The following PLEKHG5 variants were observed in gnomAD, a reference collection of about 807,000 sequenced individuals.
PLEKHG5 encodes the protein pleckstrin homology and RhoGEF domain containing G5.
In PLEKHG5, 52 loss-of-function variants were observed where a neutral mutation model predicts 103.8. The ratio of observed to expected loss-of-function variants is 0.50; its 90% CI spans 0.40 to 0.63. The LOEUF is 0.63. Among genes scored for constraint, PLEKHG5 ranks in the 30% least tolerant of loss-of-function variants. The pLI is 0.00. For missense variants in PLEKHG5, 1,205 were observed against 1,347.6 expected, an observed-to-expected ratio of 0.89 and a Z score of 1.66; for synonymous variants, 592 against 575.5, an observed-to-expected ratio of 1.03 and a Z score of -0.41.
intron 1 of PLEKHG5, among the ~76,000 whole-genome samples, chr1:6,517,466 A>G (rs974828771): frequency 2.0e-5 from 3 of 152,156 alleles, no homozygotes; most frequent in African/African-American, 7.2e-5. Flanking sequence ...GTAAATAAGC[A>G]GGGCCAGGCT....
chr1:6,514,445 C>A (rs1256452030), intron 1 of PLEKHG5, among the ~76,000 whole-genome samples: 5 of 150,624 alleles, frequency 3.3e-5, no homozygotes, highest in Non-Finnish European at 5.9e-5. Flanking sequence ...CAGAGCAAGA[C>A]CCTGCCTCAA....
chr1:6,471,884 C>G, intron 10 of PLEKHG5, 76 bp from the exon 11 acceptor site: 1 of 1,378,534 alleles, frequency 7.3e-7, no homozygotes, highest in South Asian at 1.2e-5. Flanking sequence ...CCTCAGGCTC[C>G]CCTGCCACTC....
rs1416170281 is a variant in PLEKHG5 at position 6,468,320 on chromosome 1, A to G, written c.2516T>C (p.Leu839Pro). The part of the protein sequence containing the change: ...DFVAPGPMAE[L>P]VPRAPESPRV... ...TGGGGACTCTGGGGCCCGAGGCACT[A>G]GCTCTGCCATTGGGCCTGGGGCCAC... is the stretch of plus-strand genomic sequence containing the variant. Residue 839 changes from leucine to proline, a missense_variant, in exon 20 of 21, where the codon CTA becomes CCA. Transcript: ENST00000377728. 1 of 1,609,790 alleles carries G rather than the reference A, an allele frequency of 6.2e-7. No individual in the cohort carries two copies. Among genetic ancestry groups the G allele is most frequent in the African/African-American group, 1.3e-5 (1 of 75,026 alleles).
chr1:6,505,434 G>T lies in PLEKHG5; in HGVS notation c.-164-8865C>A, dbSNP rs1236240183. 1.3e-5 allele frequency among the ~76,000 whole-genome samples: 2 copies of T among 152,078 alleles called. No homozygotes were observed. The highest frequency in any genetic ancestry group is 2.9e-5 in the Non-Finnish European group (2 of 67,988). Reference sequence around the variant, plus strand: ...CCCCATTAGTGCTCTCAGCCTCCCAGTGACCCCCAAGGCATCATTATTCCC... The same window carrying T: ...CCCCATTAGTGCTCTCAGCCTCCCATTGACCCCCAAGGCATCATTATTCCC... On this transcript the variant is annotated intron_variant, in intron 1 of 21. Coordinates refer to the PLEKHG5 transcript ENST00000377740. This position sits in a 1 kb window ranked among gnomAD's most constrained non-coding sequence, Gnocchi z 4.2.
intron 1 of PLEKHG5, among the ~76,000 whole-genome samples, chr1:6,502,127 G>C (rs192961400): frequency 1.4e-3 from 214 of 152,384 alleles, no homozygotes; most frequent in South Asian, 5.6e-3. Flanking sequence ...CAGCAGCCTG[G>C]GGAAGGGCAA....
At chr1:6,517,500 C>T (rs1638658048) in intron 1 of PLEKHG5, among the ~76,000 whole-genome samples, 1 of 152,108 alleles carries the variant, frequency 6.6e-6, no homozygotes, top group Admixed American at 6.6e-5. Flanking sequence ...GGCCATTTTA[C>T]TATGTGAGTG....
Position 6,469,533 on chromosome 1 carries a change from G to A in PLEKHG5, c.1933+11C>T. 6.2e-7 allele frequency: 1 copy of A among 1,613,868 alleles called. No individual in the cohort carries two copies. The highest frequency in any genetic ancestry group is 8.5e-7 in the Non-Finnish European group (1 of 1,180,042). Reference sequence around the variant, plus strand: ...GCCCCTGACCAGGAACAGGGGACCAGGGCTCCTTACCAGGGTCCCGTAGCT... The same window carrying A: ...GCCCCTGACCAGGAACAGGGGACCAAGGCTCCTTACCAGGGTCCCGTAGCT... On this transcript the variant is annotated intron_variant, in intron 17 of 20. Coordinates refer to ENST00000377728, the MANE Select transcript of PLEKHG5 (RefSeq NM_020631.6).
In PLEKHG5 at chr1:6,501,816, G is replaced by A. The variant is rs936337272; in HGVS notation, c.-164-5247C>T. 3.3e-5 allele frequency among the ~76,000 whole-genome samples: 5 copies of A among 152,160 alleles called. No homozygotes were observed. Among genetic ancestry groups the A allele is most frequent in the African/African-American group, 1.2e-4 (5 of 41,426 alleles). On this transcript the variant is annotated intron_variant, in intron 1 of 21. Coordinates refer to the PLEKHG5 transcript ENST00000377740. The surrounding 1 kb of genome is among the most constrained non-coding windows in gnomAD (Gnocchi z 4.3). ...TTGGTCCCCCCATCATGACATGAGTGTCCCCTTTCCCCACTGGTCCCAGGC... is the reference window on the plus strand; with the variant it reads ...TTGGTCCCCCCATCATGACATGAGTATCCCCTTTCCCCACTGGTCCCAGGC...
Position 6,483,644 on chromosome 1 carries a change from G to A in PLEKHG5, c.-87-5986C>T, listed in dbSNP as rs537906399. Among the ~76,000 whole-genome samples, 6 of 152,230 alleles carry A rather than the reference G, an allele frequency of 3.9e-5. No homozygotes were observed. In the South Asian group the frequency reaches 1.0e-3, roughly 26 times the overall value. On this transcript the variant is annotated intron_variant, in intron 1 of 20. Coordinates refer to ENST00000377728, the MANE Select transcript of PLEKHG5 (RefSeq NM_020631.6). ...CACATTGCTGCACTCCAGCCTGGGC[G>A]ACACAGTGAGACCCCGTCTCAGAAA...
chr1:6,474,228 C>A, intron 6 of PLEKHG5, 64 bp from the exon 7 acceptor site: 1 of 1,581,640 alleles, frequency 6.3e-7, no homozygotes, highest in Non-Finnish European at 8.6e-7. Context: ...GGTCCCCGGT[C>A]CTCTCTCCCC....
At chr1:6,509,545 C>G (rs543556736) in intron 1 of PLEKHG5, among the ~76,000 whole-genome samples, 1 of 152,230 alleles carries the variant, frequency 6.6e-6, no homozygotes, top group African/African-American at 2.4e-5. Context: ...CAGGAAGCCA[C>G]GGCCACTCGG....
chr1:6,495,085 T>G (rs901781305), upstream of PLEKHG5, among the ~76,000 whole-genome samples: 1 of 152,200 alleles, frequency 6.6e-6, no homozygotes, highest in East Asian at 1.9e-4. Context: ...GCTGGGACAG[T>G]GTGCCTTATT....
chr1:6,513,887 C>G (rs1473455731), intron 1 of PLEKHG5, among the ~76,000 whole-genome samples: 1 of 152,188 alleles, frequency 6.6e-6, no homozygotes, highest in Admixed American at 6.5e-5. Flanking sequence ...GGACACAGGC[C>G]CAGCCTCCAG....
upstream of PLEKHG5, among the ~76,000 whole-genome samples, chr1:6,499,194 C>T (rs373687397): frequency 6.6e-6 from 1 of 152,212 alleles, no homozygotes; most frequent in Admixed American, 6.5e-5. Flanking sequence ...ATTGTAGCCC[C>T]GTATTCTGAA....
upstream of PLEKHG5, among the ~76,000 whole-genome samples, chr1:6,499,281 G>A (rs182544229): frequency 1.8e-3 from 274 of 152,328 alleles, no homozygotes; most frequent in African/African-American, 5.9e-3. Context: ...TCAGGTCACA[G>A]CCACCATCGG....
At chr1:6,485,191 C>T in intron 1 of PLEKHG5, 1 of 582,442 alleles carries the variant, frequency 1.7e-6, no homozygotes, top group Non-Finnish European at 2.6e-6. Flanking sequence ...CCGCCATGGG[C>T]CGCATCCTTC....
chr1:6,493,145 C>T (rs1176777064), upstream of PLEKHG5, among the ~76,000 whole-genome samples: 1 of 152,216 alleles, frequency 6.6e-6, no homozygotes, highest in Non-Finnish European at 1.5e-5. Context: ...TCAAATAAAA[C>T]ATCAAGGGTG....
chr1:6,467,389 C>T lies in PLEKHG5; in HGVS notation c.*174G>A, dbSNP rs1351837219. ...GGTGGTACTGTGGCCTGGGCCTCCT[C>T]CACTCCATCCAGTCCGGCAAAGCGC... On this transcript the variant is annotated 3_prime_UTR_variant, in exon 21 of 21. Coordinates refer to ENST00000377728, the MANE Select transcript of PLEKHG5 (RefSeq NM_020631.6). 7.7e-6 allele frequency: 6 copies of T among 777,420 alleles called. No homozygotes were observed. The highest frequency in any genetic ancestry group is 1.1e-5 in the Non-Finnish European group (5 of 435,110). 48.2% of individuals were successfully genotyped at this position (777,420 alleles called of 1,614,324 possible).
At chr1:6,502,750 C>T (rs1336549859) in intron 1 of PLEKHG5, among the ~76,000 whole-genome samples, 4 of 152,226 alleles carry the variant, frequency 2.6e-5, no homozygotes, top group Non-Finnish European at 2.9e-5. Context: ...GGGCTGGCAT[C>T]GGCCCACCCT....
Sources: gnomAD v4.1 joint callset for allele counts (sites outside exome capture counted in the v4.1 genomes callset) on GRCh38, gnomAD v4.1.1 for gene constraint, Gnocchi (gnomAD v3.1) non-coding constraint, MANE v1.5 for transcripts, NCBI Gene and HGNC (gene_info 2026-07-23, HGNC 2026-07-21) for gene names.